Variants in PLCL1 observed in about 807,000 individuals in gnomAD.
The protein encoded by PLCL1 is phospholipase C like 1 (inactive), also known as inactive phospholipase C-like protein 1.
PLCL1 carries 41 observed loss-of-function variants against 84.4 expected under a neutral mutation model. The ratio of observed to expected loss-of-function variants is 0.49; its 90% CI spans 0.38 to 0.63. PLCL1 has a LOEUF of 0.63. Among genes scored for constraint, PLCL1 ranks in the 30% least tolerant of loss-of-function variants. The probability of loss-of-function intolerance (pLI) is 0.00; values close to 1 mark genes in which losing one functional copy is unlikely to be tolerated. For synonymous variants in PLCL1, 490 were observed against 488.3 expected, an observed-to-expected ratio of 1.00 and a Z score of -0.05; for missense variants, 1,206 against 1,367.8, an observed-to-expected ratio of 0.88 and a Z score of 1.87.
At position 197,936,131 on chromosome 2, in the gene PLCL1, A is replaced by ACCCC. The variant is rs60500144; in HGVS notation, c.240+130798_240+130801dup. Among the ~76,000 whole-genome samples the ACCCC allele has an allele frequency of 1.2e-3, 161 of 134,088 alleles. 1 individual carries two copies. Among genetic ancestry groups the ACCCC allele is most frequent in the Middle Eastern group, 8.3e-3 (2 of 240 alleles). 88.0% of individuals were successfully genotyped at this position (134,088 alleles called of 152,430 possible). On this transcript the variant is annotated intron_variant, in intron 1 of 5. Transcript: ENST00000428675. ...GTGTGTATGTATACATATATTAAAC[A>ACCCC]CCCCCCCCCTCACATTTTCTTTATC...
At chr2:198,046,297 AG>A (rs948697551) in intron 1 of PLCL1, among the ~76,000 whole-genome samples, 3 of 152,190 alleles carry the variant, frequency 2.0e-5, no homozygotes, top group East Asian at 3.8e-4. Context: ...TTTCCCTTAT[AG>A]TACTGTATTT....
intron 1 of PLCL1, among the ~76,000 whole-genome samples, chr2:197,814,566 G>A (rs1446845687): frequency 6.6e-6 from 1 of 152,136 alleles, no homozygotes; most frequent in African/African-American, 2.4e-5. Context: ...AAATGTTCAA[G>A]TGAAAGAAAA....
intron 1 of PLCL1, among the ~76,000 whole-genome samples, chr2:197,961,978 A>T (rs1286294814): frequency 3.3e-5 from 5 of 152,226 alleles, no homozygotes; most frequent in Middle Eastern, 3.4e-3. Context: ...TTTGTATTTG[A>T]GTAATATAAG....
chr2:198,015,734 G>A (rs957053145), intron 1 of PLCL1, among the ~76,000 whole-genome samples: 5 of 152,088 alleles, frequency 3.3e-5, no homozygotes, highest in Admixed American at 2.6e-4. Context: ...GTAAGATAAC[G>A]AGGGTGGTCA....
At chr2:198,011,447 A>C (rs1431551961) in intron 1 of PLCL1, among the ~76,000 whole-genome samples, 5 of 151,794 alleles carry the variant, frequency 3.3e-5, no homozygotes, top group Non-Finnish European at 7.4e-5. Context: ...ATTGATTTTT[A>C]GTTTTATTTT....
chr2:197,810,363 T>G (rs1245702732), intron 1 of PLCL1: 2 of 775,678 alleles, frequency 2.6e-6, no homozygotes, highest in Admixed American at 2.4e-5. Context: ...GTTTTTGAAG[T>G]GTCTGTTGAT....
intron 1 of PLCL1, among the ~76,000 whole-genome samples, chr2:197,989,564 C>G (rs1037334166): frequency 6.6e-6 from 1 of 152,042 alleles, no homozygotes; most frequent in Non-Finnish European, 1.5e-5. Flanking sequence ...GTGCTAAGAT[C>G]ATAATATACA....
chr2:197,990,100 G>A (rs549669816), intron 1 of PLCL1, among the ~76,000 whole-genome samples: 1 of 152,200 alleles, frequency 6.6e-6, no homozygotes, highest in African/African-American at 2.4e-5. Flanking sequence ...ATGTTACAGG[G>A]CGCTGCTCAA....
At chr2:197,835,811 AT>A (rs1256994202) in intron 1 of PLCL1, among the ~76,000 whole-genome samples, 1 of 152,146 alleles carries the variant, frequency 6.6e-6, no homozygotes, top group Non-Finnish European at 1.5e-5. Context: ...AAGTATTCTT[AT>A]TTTATTTTAT....
intron 1 of PLCL1, among the ~76,000 whole-genome samples, chr2:197,923,379 G>T (rs1688759333): frequency 6.9e-6 from 1 of 145,914 alleles, no homozygotes; most frequent in African/African-American, 2.5e-5. Flanking sequence ...CTGCCGGTCG[G>T]AGGGTCTCCT....
intron 1 of PLCL1, among the ~76,000 whole-genome samples, chr2:197,853,659 C>T (rs920950894): frequency 6.6e-6 from 1 of 152,144 alleles, no homozygotes; most frequent in Non-Finnish European, 1.5e-5. Flanking sequence ...CTTGCTGTCT[C>T]TCTGTTTGTA....
intron 1 of PLCL1, among the ~76,000 whole-genome samples, chr2:197,962,344 C>T (rs1028087660): frequency 1.3e-5 from 2 of 152,016 alleles, no homozygotes; most frequent in South Asian, 2.1e-4. Flanking sequence ...GTGGATTATC[C>T]TTAGTGACTT....
At chr2:198,015,866 G>A (rs938414909) in intron 1 of PLCL1, among the ~76,000 whole-genome samples, 2 of 151,974 alleles carry the variant, frequency 1.3e-5, no homozygotes, top group Non-Finnish European at 2.9e-5. Flanking sequence ...ACACTTTATA[G>A]TAAAACAGTG....
intron 5 of PLCL1, among the ~76,000 whole-genome samples, chr2:198,145,577 GA>G (rs1390533454): frequency 6.6e-6 from 1 of 152,176 alleles, no homozygotes; most frequent in Non-Finnish European, 1.5e-5. Context: ...TGATGTACTT[GA>G]GAAGAAGTTC....
intron 1 of PLCL1, among the ~76,000 whole-genome samples, chr2:198,028,504 A>G (rs1355544794): frequency 6.6e-6 from 1 of 152,218 alleles, no homozygotes; most frequent in East Asian, 1.9e-4. Context: ...TCAACTTAGC[A>G]GAGAGAAAGA....
chr2:198,003,233 T>C (rs762330530), intron 1 of PLCL1, among the ~76,000 whole-genome samples: 3 of 152,210 alleles, frequency 2.0e-5, no homozygotes, highest in Non-Finnish European at 4.4e-5. Flanking sequence ...AAGACTACTT[T>C]ACAATTTTTT....
chr2:197,840,756 G>A (rs575949138), intron 1 of PLCL1, among the ~76,000 whole-genome samples: 3 of 152,150 alleles, frequency 2.0e-5, no homozygotes, highest in Non-Finnish European at 4.4e-5. Context: ...ATCCTCATAC[G>A]TGGAAGCCGA....
intron 1 of PLCL1, among the ~76,000 whole-genome samples, chr2:198,066,975 C>T (rs944722629): frequency 6.6e-6 from 1 of 152,096 alleles, no homozygotes; most frequent in Non-Finnish European, 1.5e-5. Flanking sequence ...TTTAATATAT[C>T]TTTCTCCTAC....
chr2:197,880,533 C>G (rs2105714391), intron 1 of PLCL1, among the ~76,000 whole-genome samples: 1 of 151,962 alleles, frequency 6.6e-6, no homozygotes, highest in East Asian at 1.9e-4. Context: ...TGTTCTAAGA[C>G]ACAATGGAAA....
Sources: allele counts gnomAD v4.1 joint callset (sites outside exome capture counted in the v4.1 genomes callset), GRCh38; gene constraint gnomAD v4.1.1; transcripts MANE v1.5; gene names NCBI Gene and HGNC (gene_info 2026-07-23, HGNC 2026-07-21).